Variants in OSBPL9 observed in about 807,000 individuals in gnomAD.
The protein encoded by OSBPL9 is oxysterol-binding protein-related protein 9.
A neutral mutation model predicts 106.6 loss-of-function variants in OSBPL9; 40 were observed. The ratio of observed to expected loss-of-function variants is 0.38; its 90% CI spans 0.29 to 0.49. The LOEUF is 0.49. OSBPL9 is among the 20% of genes least tolerant of loss of function. The pLI, the probability that OSBPL9 is intolerant of heterozygous loss-of-function variation, is 0.97. For missense variants in OSBPL9, 609 were observed against 887.2 expected, an observed-to-expected ratio of 0.69 and a Z score of 3.98; for synonymous variants, 269 against 295.4, an observed-to-expected ratio of 0.91 and a Z score of 0.92.
chr1:51,616,794 G>C (rs1644068947), upstream of OSBPL9: 1 of 240,402 alleles, frequency 4.2e-6, no homozygotes, highest in African/African-American at 2.2e-5. Flanking sequence ...AAATCTTTTG[G>C]AAGTGGAAGG....
At chr1:51,558,110 C>T in the OSBPL9 span, among the ~76,000 whole-genome samples, 911 of 152,286 alleles carry the variant, frequency 6.0e-3, 9 homozygotes, top group African/African-American at 0.02. Flanking sequence ...GAAACCCCCT[C>T]TCTACTAAAA....
intron 2 of OSBPL9, among the ~76,000 whole-genome samples, chr1:51,605,758 G>A (rs1033081517): frequency 1.9e-4 from 29 of 152,066 alleles, no homozygotes; most frequent in African/African-American, 6.5e-4. Context: ...TGAGGTGGAC[G>A]GATCACAAGG....
At chr1:51,530,180 A>AAAAAAAAAAAAAAAAAAAAAAAAAAC in the OSBPL9 span, among the ~76,000 whole-genome samples, 1 of 114,428 alleles carries the variant, frequency 8.7e-6, no homozygotes, top group Non-Finnish European at 1.8e-5. Flanking sequence ...CAAAAAAAAA[A>AAAAAAAAAAAAAAAAAAAAAAAAAAC]AAAAAAAAAA....
At chr1:51,619,872 A>G (rs1432206054) in intron 1 of OSBPL9, among the ~76,000 whole-genome samples, 2 of 152,212 alleles carry the variant, frequency 1.3e-5, no homozygotes, top group African/African-American at 4.8e-5. Flanking sequence ...AGAATATCTG[A>G]ATTAGTTGTG....
chr1:51,536,919 A>T, the OSBPL9 span, among the ~76,000 whole-genome samples: 1 of 152,190 alleles, frequency 6.6e-6, no homozygotes, highest in Non-Finnish European at 1.5e-5. Flanking sequence ...AGATTTCTTC[A>T]CTGTAGAGTA....
At chr1:51,532,792 G>A in the OSBPL9 span, among the ~76,000 whole-genome samples, 5 of 152,158 alleles carry the variant, frequency 3.3e-5, no homozygotes, top group African/African-American at 1.2e-4. Flanking sequence ...TGGGTAAAAA[G>A]GGAAGTGAGG....
chr1:51,660,074 G>A (rs768746526), intron 2 of OSBPL9, among the ~76,000 whole-genome samples: 3 of 152,120 alleles, frequency 2.0e-5, no homozygotes, highest in Middle Eastern at 3.4e-3. Context: ...ATGATAGAGC[G>A]TTACAAATCA....
the OSBPL9 span, among the ~76,000 whole-genome samples, chr1:51,535,805 C>A: frequency 6.6e-6 from 1 of 152,094 alleles, no homozygotes; most frequent in East Asian, 1.9e-4. Context: ...GTTAACCCCC[C>A]ACCCCGCCGC....
chr1:51,748,296 A>T (rs570028897), intron 6 of OSBPL9, 73 bp from the exon 7 acceptor site: 25 of 1,476,350 alleles, frequency 1.7e-5, no homozygotes, highest in Non-Finnish European at 2.2e-5. Flanking sequence ...TCTTTAAATG[A>T]CTAGCCAGTA....
At chr1:51,572,693 G>T (rs973994591), upstream of OSBPL9, among the ~76,000 whole-genome samples, 3 of 152,112 alleles carry the variant, frequency 2.0e-5, no homozygotes, top group Non-Finnish European at 2.9e-5. Context: ...ACCTCTCTGA[G>T]GCTCCTCTGA....
intron 1 of OSBPL9, among the ~76,000 whole-genome samples, chr1:51,584,131 C>T (rs1156930767): frequency 6.6e-6 from 1 of 152,148 alleles, no homozygotes; most frequent in Non-Finnish European, 1.5e-5. Flanking sequence ...GATGGGATTA[C>T]AGGTGCAAGC....
At chr1:51,563,451 T>C in the OSBPL9 span, among the ~76,000 whole-genome samples, 2 of 152,078 alleles carry the variant, frequency 1.3e-5, no homozygotes, top group Non-Finnish European at 2.9e-5. Flanking sequence ...GCCCACCCCG[T>C]CCAACGTAGG....
chr1:51,600,538 CT>C (rs1645321460), intron 2 of OSBPL9, among the ~76,000 whole-genome samples: 1 of 151,924 alleles, frequency 6.6e-6, no homozygotes, highest in Non-Finnish European at 1.5e-5. Context: ...TTTTTTTCTT[CT>C]GGTTTTAAAA....
At chr1:51,675,140 A>G (rs1178454886) in intron 3 of OSBPL9, among the ~76,000 whole-genome samples, 1 of 152,156 alleles carries the variant, frequency 6.6e-6, no homozygotes, top group East Asian at 1.9e-4. Flanking sequence ...CTAATGATGC[A>G]TTTCTCACGA....
chr1:51,706,963 C>G (rs1658682223), intron 3 of OSBPL9, among the ~76,000 whole-genome samples: 1 of 152,166 alleles, frequency 6.6e-6, no homozygotes, highest in South Asian at 2.1e-4. Flanking sequence ...CAAGGTGGGG[C>G]CTTCCAGGCC....
chr1:51,736,833 G>A (rs1665812743), intron 4 of OSBPL9, among the ~76,000 whole-genome samples: 1 of 152,032 alleles, frequency 6.6e-6, no homozygotes, highest in Non-Finnish European at 1.5e-5. Context: ...TTAGATCCTG[G>A]AATGATTTAC....
intron 9 of OSBPL9, among the ~76,000 whole-genome samples, chr1:51,757,554 CAT>C (rs1442047034): frequency 6.6e-6 from 1 of 151,728 alleles, no homozygotes; most frequent in Non-Finnish European, 1.5e-5. Context: ...TTTTATAAAA[CAT>C]ACCAAAAACA....
At chr1:51,746,863 C>T in intron 6 of OSBPL9, 106 bp downstream of exon 6, 1 of 882,758 alleles carries the variant, frequency 1.1e-6, no homozygotes, top group Non-Finnish European at 1.7e-6. Context: ...ATATTATTGA[C>T]CTAGTGTAAT....
At chr1:51,583,394 C>T (rs367827713) in intron 1 of OSBPL9, 3 of 152,292 alleles carry the variant, frequency 2.0e-5, no homozygotes, top group Non-Finnish European at 2.9e-5. Flanking sequence ...TGCTCAACAA[C>T]GAAGTTAGAA....
Sources: gnomAD v4.1 joint callset for allele counts (sites outside exome capture counted in the v4.1 genomes callset) on GRCh38, gnomAD v4.1.1 for gene constraint, MANE v1.5 for transcripts, NCBI Gene and HGNC (gene_info 2026-07-23, HGNC 2026-07-21) for gene names.